The following SDK1 variants were observed in gnomAD, a reference collection of about 807,000 sequenced individuals.
SDK1 encodes the protein sidekick cell adhesion molecule 1.
Under a neutral mutation model 245.5 loss-of-function variants are expected in SDK1, and 157 were observed. The ratio of observed to expected loss-of-function variants is 0.64; its 90% CI spans 0.56 to 0.73. SDK1 has a LOEUF of 0.73. Among genes scored for constraint, SDK1 ranks in the 30% least tolerant of loss-of-function variants. The probability of loss-of-function intolerance (pLI) is 0.00; values close to 1 mark genes in which losing one functional copy is unlikely to be tolerated. For synonymous variants in SDK1, 1,647 were observed against 1,278.5 expected (o/e 1.29, Z -6.15); for missense variants, 3,583 against 3,002.3 (o/e 1.19, Z -4.52).
intron 35 of SDK1, among the ~76,000 whole-genome samples, chr7:4,199,203 G>C (rs1584426853): frequency 6.6e-6 from 1 of 152,144 alleles, no homozygotes; most frequent in South Asian, 2.1e-4. Context: ...ATGAGTTAGG[G>C]GCTGTGGATT....
intron 25 of SDK1, among the ~76,000 whole-genome samples, chr7:4,122,266 A>T (rs937459721): frequency 2.0e-5 from 3 of 152,098 alleles, no homozygotes; most frequent in Non-Finnish European, 4.4e-5. Context: ...CCCTACTAAC[A>T]TCTGAAACTT....
chr7:3,847,197 C>T (rs1241397158), intron 5 of SDK1, among the ~76,000 whole-genome samples: 1 of 152,122 alleles, frequency 6.6e-6, no homozygotes, highest in Non-Finnish European at 1.5e-5. Context: ...TCCTGGAACT[C>T]ACATGTGTGC....
intron 44 of SDK1, 133 bp downstream of exon 44, chr7:4,245,938 C>T (rs1786826040): frequency 1.8e-6 from 2 of 1,090,284 alleles, no homozygotes; most frequent in African/African-American, 3.1e-5. Flanking sequence ...GGACAAAGGG[C>T]TTCATTATGC....
chr7:3,339,127 C>G (rs1001109914), intron 1 of SDK1, among the ~76,000 whole-genome samples: 1 of 152,008 alleles, frequency 6.6e-6, no homozygotes. Context: ...GCCATACAAA[C>G]ATGAATTTAA....
At chr7:3,974,283 G>T in intron 12 of SDK1, 86 bp from the exon 13 acceptor site, 1 of 1,145,856 alleles carries the variant, frequency 8.7e-7, no homozygotes, top group Non-Finnish European at 1.3e-6. Context: ...AAGATTGTTA[G>T]TTGCTTGCTT....
intron 18 of SDK1, among the ~76,000 whole-genome samples, 195 bp downstream of exon 18, chr7:4,049,658 T>C (rs563458308): frequency 2.6e-5 from 4 of 152,342 alleles, no homozygotes; most frequent in Admixed American, 2.0e-4. Flanking sequence ...AAATTCCTAG[T>C]TATCAAGAGG....
intron 17 of SDK1, among the ~76,000 whole-genome samples, chr7:4,019,703 C>T (rs1378314409): frequency 6.6e-6 from 1 of 152,060 alleles, no homozygotes; most frequent in Non-Finnish European, 1.5e-5. Context: ...CAGCACCATC[C>T]TTCCCTCACT....
intron 1 of SDK1, among the ~76,000 whole-genome samples, chr7:3,542,589 G>A (rs185151424): frequency 6.6e-6 from 1 of 152,182 alleles, no homozygotes; most frequent in African/African-American, 2.4e-5. Flanking sequence ...GATTAAAATA[G>A]CATTGATCTT....
At chr7:3,490,036 C>G (rs542170688) in intron 1 of SDK1, among the ~76,000 whole-genome samples, 3 of 152,134 alleles carry the variant, frequency 2.0e-5, no homozygotes, top group Non-Finnish European at 4.4e-5. Flanking sequence ...AGAGAATACA[C>G]AGAAATGATC....
At chr7:3,679,363 G>A (rs1469985923) in intron 4 of SDK1, among the ~76,000 whole-genome samples, 4 of 152,042 alleles carry the variant, frequency 2.6e-5, no homozygotes, top group Non-Finnish European at 4.4e-5. Context: ...TCGGGAGATC[G>A]AGACCATCCT....
intron 5 of SDK1, among the ~76,000 whole-genome samples, chr7:3,859,097 C>T (rs1008670534): frequency 1.8e-4 from 28 of 152,030 alleles, no homozygotes; most frequent in African/African-American, 6.0e-4. Context: ...CTCCTGACCT[C>T]GTGATCCGCC....
chr7:3,349,769 T>A (rs1780608643), intron 1 of SDK1, among the ~76,000 whole-genome samples: 2 of 151,976 alleles, frequency 1.3e-5, no homozygotes, highest in East Asian at 3.9e-4. Context: ...CTGGTTAATT[T>A]TTTTTTGTAT....
intron 1 of SDK1, among the ~76,000 whole-genome samples, chr7:3,597,894 G>C (rs557679106): frequency 6.6e-6 from 1 of 152,144 alleles, no homozygotes; most frequent in African/African-American, 2.4e-5. Flanking sequence ...ACAGTACTTT[G>C]ACCGTTTATA....
At chr7:3,664,243 G>A (rs1450548880) in intron 4 of SDK1, among the ~76,000 whole-genome samples, 3 of 152,072 alleles carry the variant, frequency 2.0e-5, no homozygotes, top group East Asian at 1.9e-4. Flanking sequence ...GAGGAGCTCC[G>A]TCACTGGGAG....
intron 1 of SDK1, among the ~76,000 whole-genome samples, chr7:3,501,315 C>T (rs971074917): frequency 6.6e-6 from 1 of 151,742 alleles, no homozygotes; most frequent in Non-Finnish European, 1.5e-5. Flanking sequence ...TTTTACTATT[C>T]TTCCCTCTGT....
chr7:3,450,543 C>T (rs1444914191), intron 1 of SDK1, among the ~76,000 whole-genome samples: 2 of 152,126 alleles, frequency 1.3e-5, no homozygotes, highest in Non-Finnish European at 2.9e-5. Flanking sequence ...TAGTTTGGAA[C>T]AAGTAGACTT....
intron 1 of SDK1, among the ~76,000 whole-genome samples, chr7:3,417,904 A>T: frequency 6.6e-6 from 1 of 152,074 alleles, no homozygotes; most frequent in East Asian, 1.9e-4. Context: ...GGTGGTGGGG[A>T]CGGAAGTGAG....
At chr7:3,365,839 C>A (rs1304475169) in intron 1 of SDK1, among the ~76,000 whole-genome samples, 1 of 149,440 alleles carries the variant, frequency 6.7e-6, no homozygotes, top group Admixed American at 6.7e-5. Flanking sequence ...GAGTTTGAGA[C>A]CAGCCTGGCC....
intron 1 of SDK1, among the ~76,000 whole-genome samples, chr7:3,553,661 C>T (rs1441919522): frequency 1.3e-5 from 2 of 152,146 alleles, no homozygotes; most frequent in Admixed American, 1.3e-4. Context: ...TACCCTTTTC[C>T]AGTGTGTGAT....
Sources: gnomAD v4.1 joint callset for allele counts (sites outside exome capture counted in the v4.1 genomes callset) on GRCh38, gnomAD v4.1.1 for gene constraint, MANE v1.5 for transcripts, NCBI Gene and HGNC (gene_info 2026-07-23, HGNC 2026-07-21) for gene names.